Variants in TMEM170A observed in about 807,000 individuals in gnomAD.
The protein encoded by TMEM170A is transmembrane protein 170A.
A neutral mutation model predicts 12.8 loss-of-function variants in TMEM170A; 18 were observed. That is an observed-to-expected ratio of 1.41 (90% CI 0.97 to 2.09). The LOEUF (loss-of-function observed/expected upper bound fraction) is 2.09, where lower values mean the gene tolerates loss of function less well. Ranked by LOEUF, TMEM170A falls within the 30% of genes most tolerant of loss-of-function variation. The pLI, the probability that TMEM170A is intolerant of heterozygous loss-of-function variation, is 0.00. For missense variants in TMEM170A, 220 were observed against 179.9 expected (o/e 1.22, Z -1.28); for synonymous variants, 107 against 76.2 (o/e 1.40, Z -2.11).
At chr16:75,452,133 G>A (rs905521084) in intron 1 of TMEM170A, among the ~76,000 whole-genome samples, 1 of 151,890 alleles carries the variant, frequency 6.6e-6, no homozygotes, top group Non-Finnish European at 1.5e-5. Flanking sequence ...CACCGCGCCT[G>A]GCTAATTTTT....
At chr16:75,454,700 T>C (rs141123357) in intron 1 of TMEM170A, among the ~76,000 whole-genome samples, 10 of 152,250 alleles carry the variant, frequency 6.6e-5, no homozygotes, top group African/African-American at 2.2e-4. Flanking sequence ...TTTGGGGAAT[T>C]TGACACCAGA....
intron 1 of TMEM170A, among the ~76,000 whole-genome samples, chr16:75,453,703 G>A (rs1236342128): frequency 6.6e-6 from 1 of 152,178 alleles, no homozygotes; most frequent in Non-Finnish European, 1.5e-5. Context: ...AAATATAAAT[G>A]TTTGGCTTGA....
intron 1 of TMEM170A, 26 bp downstream of exon 1, chr16:75,464,442 G>C (rs915838839): frequency 1.4e-6 from 2 of 1,426,178 alleles, no homozygotes; most frequent in Non-Finnish European, 1.8e-6. Flanking sequence ...GGGGCGCGCA[G>C]TGCGCAGGCG....
At chr16:75,447,726 A>T (rs757355108) in intron 2 of TMEM170A, 38 bp from the exon 3 acceptor site, 64 of 1,561,080 alleles carry the variant, frequency 4.1e-5, no homozygotes, top group Non-Finnish European at 5.5e-5. Flanking sequence ...AAAAACAAAA[A>T]ACGAAGGTTA....
intron 1 of TMEM170A, among the ~76,000 whole-genome samples, chr16:75,463,977 T>C (rs935123540): frequency 1.3e-5 from 2 of 152,172 alleles, no homozygotes; most frequent in Non-Finnish European, 2.9e-5. Context: ...GCGCCCGCGA[T>C]CAGCGAACGA....
chr16:75,459,056 G>A (rs2079852711), intron 1 of TMEM170A: 1 of 152,116 alleles, frequency 6.6e-6, no homozygotes, highest in Non-Finnish European at 1.5e-5. Context: ...ACCACGCCCA[G>A]GTAATTTTTG....
rs2079818217 is a variant in TMEM170A at position 75,457,364 on chromosome 16, GC to G, written c.134-5526del. 2.0e-5 allele frequency among the ~76,000 whole-genome samples: 3 copies of G among 152,290 alleles called. No homozygotes were observed. The South Asian group carries it at 6.2e-4, about 32-fold the overall frequency. On this transcript the variant is annotated intron_variant, in intron 1 of 2. Coordinates refer to ENST00000561878, the MANE Select transcript of TMEM170A (RefSeq NM_145254.3). ...CCAAGTGCTAAGGGCTGAATTATGTGCCCCTACTATTCCTGTGTTAAACCCT... is the reference window on the plus strand; with the variant it reads ...CCAAGTGCTAAGGGCTGAATTATGTGCCCTACTATTCCTGTGTTAAACCCT...
Position 75,447,619 on chromosome 16 carries a change from C to T in TMEM170A, c.374G>A (p.Gly125Asp). 1 of 1,612,854 alleles carries T rather than the reference C, an allele frequency of 6.2e-7. No homozygotes were observed. Reference protein sequence around the residue: ...EMIPFEALTLGTGQTFCVLVV... With the variant: ...EMIPFEALTLDTGQTFCVLVV... ...CAAGACGCAAAATGTCTGTCCAGTG[C>T]CCAGTGTGAGGGCTTCAAATGGTAT... The change falls in exon 3 of 3, where the codon GGC (glycine) becomes GAC (aspartate). Residue 125 changes from glycine to aspartate, a missense_variant. Coordinates refer to ENST00000561878, the MANE Select transcript of TMEM170A (RefSeq NM_145254.3).
At position 75,443,258 on chromosome 16, in the gene TMEM170A, T is replaced by C. The variant is rs1290770442; in HGVS notation, c.*4300A>G. On this transcript the variant is annotated 3_prime_UTR_variant, in exon 3 of 3. Coordinates refer to ENST00000561878, the MANE Select transcript of TMEM170A (RefSeq NM_145254.3). ...CCAACTCAGAATTGAAAGTAATTTT[T>C]TATTGATAAACATTTACACTAGAAT... is the stretch of plus-strand genomic sequence containing the variant. 2 of 152,224 alleles carry C rather than the reference T, an allele frequency of 1.3e-5. No homozygotes were observed. The highest frequency in any genetic ancestry group is 6.5e-5 in the Admixed American group (1 of 15,270). The allele number at this position is 152,224 out of a possible 1,614,324, so 9.4% of individuals were successfully genotyped here.
rs1377554375 is a variant in TMEM170A, at chr16:75,464,562, G to T, written c.39C>A (p.Ala13=). ...REGSGGSGGS[A]GLLQQILSLK... The stretch of plus-strand genomic sequence containing the variant: ...GGCTCAGGATCTGCTGCAGGAGCCC[G>T]GCCGACCCGCCGCTGCCGCCGCTCC... Residue 13 remains alanine, a synonymous_variant, in exon 1 of 3, where the codon GCC becomes GCA. Transcript: ENST00000561878. 6.3e-7 allele frequency: 1 copy of T among 1,585,558 alleles called. No homozygotes were observed. Among genetic ancestry groups the T allele is most frequent in the South Asian group, 1.1e-5 (1 of 88,162 alleles).
At chr16:75,464,227 C>T (rs774009576) in intron 1 of TMEM170A, 7 of 1,503,352 alleles carry the variant, frequency 4.7e-6, no homozygotes, top group East Asian at 2.8e-5. Context: ...CAGCCCCGGG[C>T]CCACCTGCGG....
intron 1 of TMEM170A, among the ~76,000 whole-genome samples, chr16:75,456,017 G>A (rs899550537): frequency 1.3e-5 from 2 of 152,114 alleles, no homozygotes; most frequent in African/African-American, 4.8e-5. Context: ...ACAGTTTTAT[G>A]AAGGTATTTT....
chr16:75,451,652 T>G lies in TMEM170A; in HGVS notation c.304+17A>C. 6.2e-7 allele frequency: 1 copy of G among 1,613,550 alleles called. No individual in the cohort carries two copies. Among genetic ancestry groups the G allele is most frequent in the Non-Finnish European group, 8.5e-7 (1 of 1,179,466 alleles). ...CATATTAAACATTTTTGACTGGTAT[T>G]TTAATGTCTAACATACTTGTCAAGA... is the stretch of plus-strand genomic sequence containing the variant. On this transcript the variant is annotated intron_variant, in intron 2 of 2. Coordinates refer to ENST00000561878, the MANE Select transcript of TMEM170A (RefSeq NM_145254.3).
At position 75,449,947 on chromosome 16, in the gene TMEM170A, C is replaced by CTTAA. The variant is rs1253749042; in HGVS notation, c.304+1718_304+1721dup. The stretch of plus-strand genomic sequence containing the variant: ...AAAGGGAACAGACTATTCATAGAGC[C>CTTAA]TTAAAGACAGAAATGAATACAACAT... On this transcript the variant is annotated intron_variant, in intron 2 of 2. Coordinates refer to ENST00000561878, the MANE Select transcript of TMEM170A (RefSeq NM_145254.3). 2.0e-5 allele frequency among the ~76,000 whole-genome samples: 3 copies of CTTAA among 152,198 alleles called. No homozygotes were observed. The East Asian group carries it at 5.8e-4, about 29-fold the overall frequency.
chr16:75,450,160 G>A (rs868306615), intron 2 of TMEM170A, among the ~76,000 whole-genome samples: 18 of 123,048 alleles, frequency 1.5e-4, no homozygotes, highest in African/African-American at 4.1e-4. Context: ...AGAACACAGA[G>A]AAACTAGGCC....
At chr16:75,451,407 G>C in intron 2 of TMEM170A, 1 of 556,796 alleles carries the variant, frequency 1.8e-6, no homozygotes. Flanking sequence ...AAATTAGCGG[G>C]GCATGGTGGC....
Position 75,451,980 on chromosome 16 carries a change from A to AT in TMEM170A, c.134-142dup, listed in dbSNP as rs905531111. On this transcript the variant is annotated intron_variant, in intron 1 of 2. Transcript: ENST00000561878. Reference sequence around the variant, plus strand: ...TTTTGAAAAATTTTTATTATTTTTAATTTTTTTTTGAGACGGAGTCTCGCT... The same window carrying AT: ...TTTTGAAAAATTTTTATTATTTTTAATTTTTTTTTTGAGACGGAGTCTCGCT... 4.5e-4 allele frequency: 361 copies of AT among 810,898 alleles called. 1 individual carries two copies. The highest frequency in any genetic ancestry group is 1.9e-3 in the Middle Eastern group (5 of 2,624). The allele number at this position is 810,898 out of a possible 1,614,324, so 50.2% of individuals were successfully genotyped here.
intron 1 of TMEM170A, among the ~76,000 whole-genome samples, chr16:75,452,859 C>G (rs1260917220): frequency 6.6e-6 from 1 of 152,204 alleles, no homozygotes; most frequent in African/African-American, 2.4e-5. Flanking sequence ...ACACACTTAT[C>G]TGAACCCATT....
At chr16:75,461,924 G>A (rs1567705562) in intron 1 of TMEM170A, among the ~76,000 whole-genome samples, 1 of 152,208 alleles carries the variant, frequency 6.6e-6, no homozygotes, top group Non-Finnish European at 1.5e-5. Flanking sequence ...CTACTGTGAT[G>A]TATTAAACCT....
Sources: allele counts gnomAD v4.1 joint callset (sites outside exome capture counted in the v4.1 genomes callset), GRCh38; gene constraint gnomAD v4.1.1; transcripts MANE v1.5; gene names NCBI Gene and HGNC (gene_info 2026-07-23, HGNC 2026-07-21).